The following MGAT4C variants were observed in gnomAD, a reference collection of about 807,000 sequenced individuals.
MGAT4C encodes MGAT4 family member C.
Under a neutral mutation model 40.1 loss-of-function variants are expected in MGAT4C, and 19 were observed. That is an observed-to-expected ratio of 0.47 (90% CI 0.33 to 0.70). The LOEUF is 0.70. Among genes scored for constraint, MGAT4C ranks in the 30% least tolerant of loss-of-function variants. The probability of loss-of-function intolerance (pLI) is 0.02; values close to 1 mark genes in which losing one functional copy is unlikely to be tolerated. For missense variants in MGAT4C, 491 were observed against 563.2 expected (o/e 0.87, Z 1.30); for synonymous variants, 181 against 187.1 (o/e 0.97, Z 0.27).
intron 2 of MGAT4C, among the ~76,000 whole-genome samples, chr12:86,686,554 A>G (rs1001015813): frequency 6.6e-6 from 1 of 152,134 alleles, no homozygotes; most frequent in African/African-American, 2.4e-5. Flanking sequence ...AGTGTTGTTG[A>G]ATTTTATCAA....
At chr12:86,049,209 A>G (rs1222480352) in intron 2 of MGAT4C, among the ~76,000 whole-genome samples, 1 of 152,046 alleles carries the variant, frequency 6.6e-6, no homozygotes, top group Non-Finnish European at 1.5e-5. Context: ...TTAACACAAC[A>G]ATCTGGAGGG....
intron 1 of MGAT4C, among the ~76,000 whole-genome samples, chr12:86,235,554 T>C (rs1256019256): frequency 2.0e-5 from 3 of 152,066 alleles, no homozygotes; most frequent in Admixed American, 1.3e-4. Flanking sequence ...ATTGTCATAC[T>C]GACTTTTTTC....
chr12:86,276,192 G>C (rs1479433271), intron 4 of MGAT4C, among the ~76,000 whole-genome samples: 2 of 151,438 alleles, frequency 1.3e-5, no homozygotes, highest in African/African-American at 4.8e-5. Flanking sequence ...TACAAGTATA[G>C]GAAATTAATA....
At chr12:86,541,846 C>T (rs1326445290) in intron 2 of MGAT4C, among the ~76,000 whole-genome samples, 1 of 152,168 alleles carries the variant, frequency 6.6e-6, no homozygotes, top group African/African-American at 2.4e-5. Context: ...ATAAGCAAAT[C>T]AATACAGGCA....
chr12:86,229,240 T>C (rs1400059183), intron 1 of MGAT4C, among the ~76,000 whole-genome samples: 1 of 151,848 alleles, frequency 6.6e-6, no homozygotes, highest in Non-Finnish European at 1.5e-5. Flanking sequence ...AATTTAGAAA[T>C]GCTTAATGTC....
At chr12:86,283,934 T>C (rs956968154) in intron 4 of MGAT4C, among the ~76,000 whole-genome samples, 1 of 152,142 alleles carries the variant, frequency 6.6e-6, no homozygotes, top group Non-Finnish European at 1.5e-5. Flanking sequence ...GTTTACAATT[T>C]GATCCTCTGC....
At chr12:86,505,024 G>C (rs1003588763) in intron 2 of MGAT4C, among the ~76,000 whole-genome samples, 1 of 152,132 alleles carries the variant, frequency 6.6e-6, no homozygotes, top group East Asian at 1.9e-4. Flanking sequence ...GACCTAGCAA[G>C]TGTCACACAC....
chr12:86,113,159 C>T (rs1408324885), intron 1 of MGAT4C, among the ~76,000 whole-genome samples: 1 of 151,692 alleles, frequency 6.6e-6, no homozygotes, highest in African/African-American at 2.4e-5. Flanking sequence ...GTGTTCAGGT[C>T]ATACTAAGCA....
Position 85,980,001 on chromosome 12 carries a change from G to A in MGAT4C, c.725C>T (p.Ala242Val), listed in dbSNP as rs753086343. 3.7e-5 allele frequency: 60 copies of A among 1,613,574 alleles called. No homozygotes were observed. The Middle Eastern group carries it at 6.6e-4, about 18-fold the overall frequency. Residue 242 changes from alanine (A) to valine (V), a missense_variant, in exon 5 of 5, where the codon GCA becomes GTA. Coordinates refer to ENST00000611864, the MANE Select transcript of MGAT4C (RefSeq NM_001351288.2). The stretch of plus-strand genomic sequence containing the variant: ...TACCCAGTAAGTTCCTTCTAGGGAT[G>A]CAATGACTTTCTTGATGGCAGTTAA... ...NFLTAIKKVI[A>V]SLEGTYWVTL...
chr12:86,310,192 G>T (rs1296563658), intron 4 of MGAT4C, among the ~76,000 whole-genome samples: 1 of 151,838 alleles, frequency 6.6e-6, no homozygotes, highest in Non-Finnish European at 1.5e-5. Flanking sequence ...CAGGTAATGT[G>T]AATGAGTAAA....
At chr12:86,389,573 T>C (rs1357142795) in intron 3 of MGAT4C, among the ~76,000 whole-genome samples, 1 of 152,228 alleles carries the variant, frequency 6.6e-6, no homozygotes, top group African/African-American at 2.4e-5. Flanking sequence ...ATGGGATTGT[T>C]GGGTCAAATG....
chr12:86,083,586 T>C (rs1297283493), intron 1 of MGAT4C, among the ~76,000 whole-genome samples: 1 of 151,924 alleles, frequency 6.6e-6, no homozygotes, highest in African/African-American at 2.4e-5. Flanking sequence ...AGAGACACGA[T>C]TGAGGATGGG....
intron 2 of MGAT4C, among the ~76,000 whole-genome samples, chr12:86,451,491 T>C (rs530484386): frequency 4.6e-5 from 7 of 152,204 alleles, no homozygotes; most frequent in Admixed American, 1.3e-4. Flanking sequence ...TAGATTTTTT[T>C]CCTTTGTTTT....
At chr12:86,635,485 C>T (rs1040554487) in intron 2 of MGAT4C, among the ~76,000 whole-genome samples, 7 of 152,024 alleles carry the variant, frequency 4.6e-5, no homozygotes, top group African/African-American at 7.2e-5. Flanking sequence ...TGGGTGAGTG[C>T]CCGAATGCTT....
Position 86,766,798 on chromosome 12 carries a change from T to G in MGAT4C, c.-261-39557A>C, listed in dbSNP as rs568578304. Among the ~76,000 whole-genome samples the G allele has an allele frequency of 2.4e-4, 36 of 151,826 alleles. No individual in the cohort carries two copies. The South Asian group carries it at 7.5e-3, about 32-fold the overall frequency. On this transcript the variant is annotated intron_variant, in intron 1 of 7. Coordinates refer to the MGAT4C transcript ENST00000548651. ...GTACATAACAAAATGAAGGCAGAAA[T>G]AAAGATGTTCTTTGAAACCAACGAG... is the stretch of plus-strand genomic sequence containing the variant.
chr12:86,046,969 T>C (rs1212599227), intron 2 of MGAT4C, among the ~76,000 whole-genome samples: 3 of 152,192 alleles, frequency 2.0e-5, no homozygotes, highest in Non-Finnish European at 4.4e-5. Context: ...CATAAAAATA[T>C]ACTATCTCTG....
intron 1 of MGAT4C, among the ~76,000 whole-genome samples, chr12:86,139,903 A>G (rs921037755): frequency 3.3e-5 from 5 of 152,180 alleles, no homozygotes; most frequent in African/African-American, 1.2e-4. Flanking sequence ...AGTTACTATG[A>G]CCTTTTACAA....
At chr12:86,071,116 G>C (rs1868375062) in intron 1 of MGAT4C, among the ~76,000 whole-genome samples, 1 of 151,978 alleles carries the variant, frequency 6.6e-6, no homozygotes, top group Non-Finnish European at 1.5e-5. Context: ...AAAAAGAGTA[G>C]GACACTGCAC....
At chr12:86,089,287 T>A (rs550403013) in intron 1 of MGAT4C, among the ~76,000 whole-genome samples, 8 of 151,938 alleles carry the variant, frequency 5.3e-5, no homozygotes, top group Non-Finnish European at 8.8e-5. Context: ...AAGTGTTTCT[T>A]ATTTTATTGT....
Sources: gnomAD v4.1 joint callset for allele counts (sites outside exome capture counted in the v4.1 genomes callset) on GRCh38, gnomAD v4.1.1 for gene constraint, MANE v1.5 for transcripts, NCBI Gene and HGNC (gene_info 2026-07-23, HGNC 2026-07-21) for gene names.